The following VPS54 variants were observed in gnomAD, a reference collection of about 807,000 sequenced individuals.
The protein encoded by VPS54 is vacuolar protein sorting-associated protein 54.
A neutral mutation model predicts 121.5 loss-of-function variants in VPS54; 45 were observed. The ratio of observed to expected loss-of-function variants is 0.37; its 90% CI spans 0.29 to 0.47. The LOEUF is 0.47. Among genes scored for constraint, VPS54 ranks in the 20% least tolerant of loss-of-function variants. The pLI, the probability that VPS54 is intolerant of heterozygous loss-of-function variation, is 0.99. For missense variants in VPS54, 1,090 were observed against 1,131.4 expected (o/e 0.96, Z 0.52); for synonymous variants, 371 against 385.8 (o/e 0.96, Z 0.45).
intron 1 of VPS54, among the ~76,000 whole-genome samples, chr2:64,008,730 T>C (rs1254163642): frequency 2.6e-5 from 4 of 152,044 alleles, no homozygotes; most frequent in Non-Finnish European, 1.5e-5. Flanking sequence ...TGTGAAGCGC[T>C]AGATCAAGAG....
intron 1 of VPS54, among the ~76,000 whole-genome samples, chr2:64,015,340 T>C (rs924597182): frequency 6.6e-6 from 1 of 152,120 alleles, no homozygotes; most frequent in Admixed American, 6.6e-5. Context: ...TTCCTTTTAT[T>C]TTTCCCTCAA....
intron 20 of VPS54, among the ~76,000 whole-genome samples, chr2:63,909,790 T>TCTCG (rs1355025176): frequency 1.4e-5 from 2 of 146,412 alleles, no homozygotes; most frequent in Non-Finnish European, 3.0e-5. Context: ...AATGGTGCCA[T>TCTCG]CTCGGCTCAC....
intron 20 of VPS54, among the ~76,000 whole-genome samples, chr2:63,900,048 T>A (rs903280390): frequency 3.3e-5 from 5 of 152,004 alleles, no homozygotes; most frequent in Admixed American, 6.5e-5. Context: ...ATAAACAGAT[T>A]ACGTTTTAAA....
chr2:63,896,103 T>C (rs1672435024), intron 22 of VPS54, among the ~76,000 whole-genome samples: 1 of 152,218 alleles, frequency 6.6e-6, no homozygotes, highest in South Asian at 2.1e-4. Context: ...CTCTTATGTA[T>C]GTACCATTTG....
intron 1 of VPS54, among the ~76,000 whole-genome samples, chr2:64,007,350 C>T (rs1039564208): frequency 1.3e-5 from 2 of 152,124 alleles, no homozygotes; most frequent in Non-Finnish European, 2.9e-5. Context: ...GACATCTGAG[C>T]ATAGGTCAAA....
At chr2:63,915,000 A>G (rs1167413099) in intron 16 of VPS54, among the ~76,000 whole-genome samples, 3 of 151,632 alleles carry the variant, frequency 2.0e-5, no homozygotes, top group African/African-American at 4.8e-5. Flanking sequence ...AAAAATTCAA[A>G]ATTAGCTGGG....
intron 2 of VPS54, among the ~76,000 whole-genome samples, chr2:63,983,514 C>T (rs1676895272): frequency 6.8e-6 from 1 of 146,828 alleles, no homozygotes. Flanking sequence ...CCGATCTCAG[C>T]TCACTGCATG....
chr2:63,988,170 T>C (rs1487444105), intron 1 of VPS54, among the ~76,000 whole-genome samples: 2 of 152,218 alleles, frequency 1.3e-5, no homozygotes, highest in Admixed American at 1.3e-4. Flanking sequence ...ATACATGGCT[T>C]TTACTGTTTT....
chr2:63,969,793 TG>T (rs1559029391), intron 4 of VPS54, among the ~76,000 whole-genome samples: 1 of 152,158 alleles, frequency 6.6e-6, no homozygotes, highest in African/African-American at 2.4e-5. Context: ...TTTCAAGTTT[TG>T]GTAAGACTGA....
chr2:63,947,416 T>C lies in VPS54; in HGVS notation c.1212A>G (p.Lys404=). The C allele has an allele frequency of 6.4e-7, 1 of 1,558,448 alleles. No homozygotes were observed. Among genetic ancestry groups the C allele is most frequent in the Non-Finnish European group, 8.8e-7 (1 of 1,140,232 alleles). The change falls in exon 9 of 23, where the codon AAA becomes AAG. Residue 404 remains lysine (K), a synonymous_variant. Coordinates refer to ENST00000272322, the MANE Select transcript of VPS54 (RefSeq NM_016516.3). ...KLNFLEIYGE[K]MVITAKNIIK... is the part of the protein sequence containing the mutation. ...TGATATTCTTTGCTGTAATAACCAT[T>C]TTTTCACCATAGATTTCTAAAAAAT...
chr2:63,943,703 T>C lies in VPS54; in HGVS notation c.1301+897A>G, dbSNP rs796576047. Among the ~76,000 whole-genome samples, 14 of 116,836 alleles carry C rather than the reference T, an allele frequency of 1.2e-4. 1 individual carries two copies. Among genetic ancestry groups the C allele is most frequent in the African/African-American group, 5.1e-4 (14 of 27,242 alleles). 76.6% of individuals were successfully genotyped at this position (116,836 alleles called of 152,430 possible). A position where few individuals can be genotyped will look rare whatever the true frequency, so the allele number is the denominator to read the frequency against. On this transcript the variant is annotated intron_variant, in intron 10 of 22. Coordinates refer to ENST00000272322, the MANE Select transcript of VPS54 (RefSeq NM_016516.3). ...TTCTTAAAATAATAGAATAGGAATT[T>C]TTCTTTTCTTTCTTTCTTTCTTTCT...
chr2:63,973,526 A>C (rs536506227), intron 3 of VPS54, among the ~76,000 whole-genome samples: 1 of 151,948 alleles, frequency 6.6e-6, no homozygotes, highest in South Asian at 2.1e-4. Context: ...GTTGTTGTTG[A>C]GTTTTAACTC....
At chr2:63,929,761 T>C (rs1464177723) in intron 12 of VPS54, among the ~76,000 whole-genome samples, 1 of 146,172 alleles carries the variant, frequency 6.8e-6, no homozygotes, top group Non-Finnish European at 1.5e-5. Flanking sequence ...ATCAACAAAA[T>C]TGATCTAGCA....
chr2:63,997,322 A>G (rs1677643865), intron 1 of VPS54, among the ~76,000 whole-genome samples: 1 of 152,184 alleles, frequency 6.6e-6, no homozygotes, highest in Non-Finnish European at 1.5e-5. Context: ...CAGTGAAGCC[A>G]TTCAGGTTCT....
At chr2:64,010,715 TC>T (rs1328335412) in intron 1 of VPS54, among the ~76,000 whole-genome samples, 1 of 152,248 alleles carries the variant, frequency 6.6e-6, no homozygotes, top group African/African-American at 2.4e-5. Context: ...TTTTTAAAAA[TC>T]TTTAAATTTT....
At chr2:63,947,007 A>C (rs2104521768) in intron 9 of VPS54, among the ~76,000 whole-genome samples, 1 of 152,112 alleles carries the variant, frequency 6.6e-6, no homozygotes, top group East Asian at 1.9e-4. Context: ...AAACAACCTA[A>C]ATATTCAACA....
chr2:63,974,944 C>T, intron 3 of VPS54: 1 of 1,527,942 alleles, frequency 6.5e-7, no homozygotes. Context: ...TTAGGACTTC[C>T]AAGACAATGT....
chr2:64,007,819 AG>A (rs545500045), intron 1 of VPS54, among the ~76,000 whole-genome samples: 22 of 152,340 alleles, frequency 1.4e-4, no homozygotes, highest in Non-Finnish European at 2.6e-4. Flanking sequence ...AAGATGTGTC[AG>A]GAAGTAAAGT....
At chr2:63,935,100 C>T (rs1406872741) in intron 11 of VPS54, among the ~76,000 whole-genome samples, 1 of 152,108 alleles carries the variant, frequency 6.6e-6, no homozygotes, top group Non-Finnish European at 1.5e-5. Context: ...TAGTAAGGTA[C>T]ATAGAAGAGA....
Sources: allele counts gnomAD v4.1 joint callset (sites outside exome capture counted in the v4.1 genomes callset), GRCh38; gene constraint gnomAD v4.1.1; transcripts MANE v1.5; gene names NCBI Gene and HGNC (gene_info 2026-07-23, HGNC 2026-07-21).